Variants in CERS6 observed in about 807,000 individuals in gnomAD.
CERS6 encodes LAG1 homolog, ceramide synthase 6.
In CERS6, 26 loss-of-function variants were observed where a neutral mutation model predicts 56.8. That is an observed-to-expected ratio of 0.46 (90% confidence interval 0.34 to 0.63). CERS6 has a LOEUF of 0.63. CERS6 is among the 30% of genes least tolerant of loss of function. CERS6 has a pLI of 0.01. For synonymous variants in CERS6, 164 were observed against 173.3 expected, an observed-to-expected ratio of 0.95 and a Z score of 0.42; for missense variants, 415 against 467.5, an observed-to-expected ratio of 0.89 and a Z score of 1.04.
chr2:168,627,945 T>C (rs1684627478), intron 3 of CERS6, among the ~76,000 whole-genome samples: 1 of 152,090 alleles, frequency 6.6e-6, no homozygotes, highest in South Asian at 2.1e-4. Flanking sequence ...TCCCCTCCAG[T>C]GGATAATAAT....
chr2:168,565,324 G>A (rs1695865551), intron 3 of CERS6, among the ~76,000 whole-genome samples: 2 of 152,146 alleles, frequency 1.3e-5, no homozygotes, highest in Non-Finnish European at 2.9e-5. Flanking sequence ...CCATCCCAGG[G>A]TGTCAGGATG....
chr2:168,622,451 G>A (rs947677733), intron 3 of CERS6, among the ~76,000 whole-genome samples: 2 of 134,392 alleles, frequency 1.5e-5, no homozygotes, highest in Non-Finnish European at 3.1e-5. Flanking sequence ...ATATTTTCTT[G>A]TTGTGTTTAA....
intron 5 of CERS6, among the ~76,000 whole-genome samples, chr2:168,692,611 A>G (rs1389256887): frequency 6.6e-6 from 1 of 152,156 alleles, no homozygotes; most frequent in African/African-American, 2.4e-5. Flanking sequence ...GCAAGATGCT[A>G]TCTGTGGGGA....
rs536355508 is a variant in CERS6, at chr2:168,718,787, A to T, written c.845+809A>T. 2.6e-5 allele frequency among the ~76,000 whole-genome samples: 4 copies of T among 152,304 alleles called. No homozygotes were observed. In the East Asian group the frequency reaches 5.8e-4, roughly 22 times the overall value. ...TAAGCCTTCTAACTGTTAGATCGTCATGCCTGCTATTTCCCCACCTTGTTT... is the reference window on the plus strand; with the variant it reads ...TAAGCCTTCTAACTGTTAGATCGTCTTGCCTGCTATTTCCCCACCTTGTTT... On this transcript the variant is annotated intron_variant, in intron 8 of 9. Coordinates refer to ENST00000305747, the MANE Select transcript of CERS6 (RefSeq NM_203463.3).
At chr2:168,637,088 G>A (rs1396205693) in intron 4 of CERS6, among the ~76,000 whole-genome samples, 1 of 152,114 alleles carries the variant, frequency 6.6e-6, no homozygotes, top group Non-Finnish European at 1.5e-5. Context: ...ATGGTGAGCT[G>A]GTCCCACCTC....
chr2:168,608,475 A>C (rs1441589106), intron 3 of CERS6, among the ~76,000 whole-genome samples: 1 of 152,234 alleles, frequency 6.6e-6, no homozygotes, highest in Non-Finnish European at 1.5e-5. Context: ...CAAACTTTCT[A>C]AGATACACCA....
chr2:168,501,433 T>C (rs1160807444), intron 1 of CERS6, among the ~76,000 whole-genome samples: 1 of 152,210 alleles, frequency 6.6e-6, no homozygotes, highest in Non-Finnish European at 1.5e-5. Context: ...GAATGGAAGC[T>C]GTAAGAAGAT....
intron 4 of CERS6, among the ~76,000 whole-genome samples, chr2:168,678,320 A>G (rs1425329087): frequency 3.3e-5 from 5 of 152,144 alleles, no homozygotes; most frequent in Non-Finnish European, 1.5e-5. Context: ...CGGGAGCTAG[A>G]TTCCTGCCTC....
At chr2:168,671,958 CAAT>C (rs775160233) in intron 4 of CERS6, among the ~76,000 whole-genome samples, 27 of 152,146 alleles carry the variant, frequency 1.8e-4, no homozygotes, top group Non-Finnish European at 4.0e-4. Flanking sequence ...TCATTTAACT[CAAT>C]GATGCATCTA....
intron 8 of CERS6, among the ~76,000 whole-genome samples, chr2:168,723,549 T>C (rs1683243276): frequency 8.6e-6 from 1 of 115,774 alleles, no homozygotes. Context: ...CTGAATTTTA[T>C]TGTATCAAAT....
chr2:168,765,486 G>T (rs1684705928), intron 8 of CERS6, 106 bp from the exon 9 acceptor site: 1 of 1,116,950 alleles, frequency 9.0e-7, no homozygotes, highest in African/African-American at 1.6e-5. Context: ...CAGAGAGGGG[G>T]TAGTTGGGAG....
intron 4 of CERS6, among the ~76,000 whole-genome samples, chr2:168,685,546 G>A (rs1300671264): frequency 1.3e-5 from 2 of 152,086 alleles, no homozygotes; most frequent in African/African-American, 4.8e-5. Context: ...TGTTGACAAT[G>A]AAACCTCTGT....
intron 8 of CERS6, among the ~76,000 whole-genome samples, chr2:168,764,221 C>CTCACTTCTGGG (rs1684663588): frequency 6.6e-6 from 1 of 152,138 alleles, no homozygotes. Flanking sequence ...CTGCTCACTG[C>CTCACTTCTGGG]AAGCCCCACC....
chr2:168,603,110 T>G (rs2105264849), intron 3 of CERS6, among the ~76,000 whole-genome samples: 1 of 152,370 alleles, frequency 6.6e-6, no homozygotes, highest in East Asian at 1.9e-4. Flanking sequence ...ACTCAGTTGC[T>G]GCTCCTTGGG....
At chr2:168,582,230 A>G (rs2105396896) in intron 3 of CERS6, among the ~76,000 whole-genome samples, 1 of 152,292 alleles carries the variant, frequency 6.6e-6, no homozygotes, top group Non-Finnish European at 1.5e-5. Context: ...GTCTTCTATA[A>G]TATCCTCCAC....
At chr2:168,618,136 G>A (rs1202335476) in intron 3 of CERS6, among the ~76,000 whole-genome samples, 6 of 152,052 alleles carry the variant, frequency 3.9e-5, no homozygotes, top group African/African-American at 9.7e-5. Flanking sequence ...AAAATCACAC[G>A]ATCATCTCAA....
chr2:168,465,235 G>T (rs1212821947), intron 1 of CERS6, among the ~76,000 whole-genome samples: 5 of 152,342 alleles, frequency 3.3e-5, no homozygotes, highest in East Asian at 1.9e-4. Context: ...ATAAGCAAGA[G>T]AAATTTATTG....
At chr2:168,653,318 C>G (rs542662318) in intron 4 of CERS6, among the ~76,000 whole-genome samples, 5 of 152,306 alleles carry the variant, frequency 3.3e-5, no homozygotes, top group Non-Finnish European at 7.3e-5. Flanking sequence ...GGCTGCTCCA[C>G]TTTTCTTGAT....
chr2:168,513,884 G>A (rs1050774886), intron 1 of CERS6, among the ~76,000 whole-genome samples: 1 of 152,048 alleles, frequency 6.6e-6, no homozygotes, highest in African/African-American at 2.4e-5. Context: ...AGAGAGAAAA[G>A]GTCATTCTTC....
Sources: gnomAD v4.1 joint callset for allele counts (sites outside exome capture counted in the v4.1 genomes callset) on GRCh38, gnomAD v4.1.1 for gene constraint, MANE v1.5 for transcripts, NCBI Gene and HGNC (gene_info 2026-07-23, HGNC 2026-07-21) for gene names.